Variants in NT5DC1 observed in about 807,000 individuals in gnomAD.
The protein encoded by NT5DC1 is 5'-nucleotidase domain-containing protein 1.
Under a neutral mutation model 59.4 loss-of-function variants are expected in NT5DC1, and 42 were observed. That is an observed-to-expected ratio of 0.71 (90% CI 0.55 to 0.92). The LOEUF (loss-of-function observed/expected upper bound fraction) is 0.92. NT5DC1 is among the 40% of genes least tolerant of loss of function. The pLI is 0.00. For synonymous variants in NT5DC1, 172 were observed against 188.1 expected (o/e 0.91, Z 0.70); for missense variants, 501 against 537.1 (o/e 0.93, Z 0.66).
intron 8 of NT5DC1, among the ~76,000 whole-genome samples, chr6:116,224,513 G>A (rs980039269): frequency 3.9e-5 from 6 of 152,212 alleles, no homozygotes; most frequent in African/African-American, 7.2e-5. Flanking sequence ...AGAGTGGCTG[G>A]CCAGGGAAGC....
chr6:116,142,893 A>C (rs1029184081), intron 6 of NT5DC1, among the ~76,000 whole-genome samples: 1 of 152,284 alleles, frequency 6.6e-6, no homozygotes, highest in Middle Eastern at 3.4e-3. Context: ...TGTCAGTCTG[A>C]ATACATGGAA....
chr6:116,178,049 G>GA (rs1341803904), intron 6 of NT5DC1, among the ~76,000 whole-genome samples: 1 of 138,716 alleles, frequency 7.2e-6, no homozygotes, highest in Non-Finnish European at 1.5e-5. Flanking sequence ...TTACAAAGAG[G>GA]AAAGTGTGTG....
chr6:116,204,674 C>G (rs1370927220), intron 6 of NT5DC1, among the ~76,000 whole-genome samples: 1 of 151,784 alleles, frequency 6.6e-6, no homozygotes, highest in African/African-American at 2.4e-5. Flanking sequence ...GTTGTTTACT[C>G]CAGAATTTAT....
chr6:116,120,054 A>G (rs1463005746), intron 6 of NT5DC1: 1 of 1,482,178 alleles, frequency 6.7e-7, no homozygotes, highest in African/African-American at 2.7e-5. Flanking sequence ...CACAAGATTT[A>G]GATTAGCTCT....
chr6:116,119,944 G>T, intron 6 of NT5DC1: 1 of 907,734 alleles, frequency 1.1e-6, no homozygotes, highest in Non-Finnish European at 1.8e-6. Context: ...TGGTCTGATA[G>T]CTCAAATCTG....
intron 6 of NT5DC1, among the ~76,000 whole-genome samples, chr6:116,212,744 A>T (rs1363857039): frequency 6.6e-6 from 1 of 152,082 alleles, no homozygotes; most frequent in African/African-American, 2.4e-5. Flanking sequence ...TACTGCTATA[A>T]TCACTCTGTA....
chr6:116,122,285 A>T (rs1370789894), intron 6 of NT5DC1, among the ~76,000 whole-genome samples: 2 of 152,210 alleles, frequency 1.3e-5, no homozygotes, highest in Non-Finnish European at 2.9e-5. Flanking sequence ...TGGGAAAATC[A>T]TGTACAGAAA....
intron 6 of NT5DC1, among the ~76,000 whole-genome samples, chr6:116,158,135 C>G (rs1780243609): frequency 6.6e-6 from 1 of 152,142 alleles, no homozygotes; most frequent in Non-Finnish European, 1.5e-5. Context: ...ATAATGAGTT[C>G]AAATTACTAC....
chr6:116,243,533 A>G (rs1771779751), intron 11 of NT5DC1, among the ~76,000 whole-genome samples: 1 of 152,214 alleles, frequency 6.6e-6, no homozygotes, highest in Non-Finnish European at 1.5e-5. Context: ...ATTGTTTTAA[A>G]TGAGATAGGA....
chr6:116,221,644 A>T (rs958779522), intron 7 of NT5DC1, among the ~76,000 whole-genome samples: 3 of 152,178 alleles, frequency 2.0e-5, no homozygotes, highest in African/African-American at 7.2e-5. Context: ...TTTACTGTTT[A>T]ACACAGCCAT....
At chr6:116,141,164 A>T (rs1237170144) in intron 6 of NT5DC1, among the ~76,000 whole-genome samples, 1 of 152,040 alleles carries the variant, frequency 6.6e-6, no homozygotes, top group African/African-American at 2.4e-5. Context: ...TATGATACTG[A>T]TTCGAATGAT....
intron 6 of NT5DC1, among the ~76,000 whole-genome samples, chr6:116,200,237 G>C (rs904971344): frequency 6.6e-6 from 1 of 151,984 alleles, no homozygotes; most frequent in Non-Finnish European, 1.5e-5. Flanking sequence ...CCATAAAACT[G>C]TCAAAGTTAC....
At chr6:116,165,089 T>C (rs1354849279) in intron 6 of NT5DC1, among the ~76,000 whole-genome samples, 2 of 98,290 alleles carry the variant, frequency 2.0e-5, no homozygotes, top group African/African-American at 5.1e-5. Flanking sequence ...AGAGCGAGAC[T>C]CCGTCTCAGA....
intron 1 of NT5DC1, among the ~76,000 whole-genome samples, chr6:116,101,567 C>A (rs1185935062): frequency 6.6e-6 from 1 of 152,184 alleles, no homozygotes; most frequent in Non-Finnish European, 1.5e-5. Context: ...GTTGAAAAGT[C>A]ATTAAGATCT....
chr6:116,231,035 G>T (rs1782008043), intron 8 of NT5DC1, among the ~76,000 whole-genome samples: 1 of 150,226 alleles, frequency 6.7e-6, no homozygotes, highest in Non-Finnish European at 1.5e-5. Context: ...GAACCCAGGA[G>T]GCAGAGGTTG....
chr6:116,143,072 A>T (rs1230887383), intron 6 of NT5DC1, among the ~76,000 whole-genome samples: 1 of 152,154 alleles, frequency 6.6e-6, no homozygotes, highest in Non-Finnish European at 1.5e-5. Context: ...TGGAGACCGG[A>T]TTTTGTTATT....
At chr6:116,180,915 TG>T (rs1194780169) in intron 6 of NT5DC1, among the ~76,000 whole-genome samples, 1 of 152,066 alleles carries the variant, frequency 6.6e-6, no homozygotes. Context: ...TGGGAGATGC[TG>T]GTGACATTTT....
intron 3 of NT5DC1, 106 bp from the exon 4 acceptor site, chr6:116,110,744 T>C (rs1778858088): frequency 1.2e-6 from 1 of 851,990 alleles, no homozygotes; most frequent in Non-Finnish European, 2.0e-6. Flanking sequence ...AAAATACATA[T>C]GTTTTTGTTA....
intron 1 of NT5DC1, among the ~76,000 whole-genome samples, chr6:116,104,172 T>C: frequency 6.6e-6 from 1 of 152,190 alleles, no homozygotes; most frequent in East Asian, 1.9e-4. Flanking sequence ...CAAGAAGCCT[T>C]CTGCCTAGAC....
Sources: allele counts gnomAD v4.1 joint callset (sites outside exome capture counted in the v4.1 genomes callset), GRCh38; gene constraint gnomAD v4.1.1; transcripts MANE v1.5; gene names NCBI Gene and HGNC (gene_info 2026-07-23, HGNC 2026-07-21).